Variants in RASSF6 observed in about 807,000 individuals in gnomAD.
The protein encoded by RASSF6 is Ras association domain family member 6.
RASSF6 carries 52 observed loss-of-function variants against 44.0 expected under a neutral mutation model. The ratio of observed to expected loss-of-function variants is 1.18; its 90% CI spans 0.95 to 1.49. The LOEUF (loss-of-function observed/expected upper bound fraction) is 1.49. Ranked by LOEUF, RASSF6 falls within the 40% of genes most tolerant of loss-of-function variation. RASSF6 has a pLI of 0.00. For synonymous variants in RASSF6, 162 were observed against 124.6 expected, an observed-to-expected ratio of 1.30 and a Z score of -2.00; for missense variants, 464 against 393.3, an observed-to-expected ratio of 1.18 and a Z score of -1.52.
chr4:73,608,412 TA>T (rs886341895), intron 2 of RASSF6, among the ~76,000 whole-genome samples: 1 of 152,092 alleles, frequency 6.6e-6, no homozygotes, highest in Admixed American at 6.5e-5. Context: ...ATATCAGATA[TA>T]AAAAAACCTA....
At chr4:73,591,146 T>A (rs921055152) in intron 4 of RASSF6, among the ~76,000 whole-genome samples, 7 of 152,234 alleles carry the variant, frequency 4.6e-5, no homozygotes, top group African/African-American at 1.4e-4. Context: ...ATATTCTCTA[T>A]TCTCACCACA....
intron 2 of RASSF6, among the ~76,000 whole-genome samples, chr4:73,610,335 G>A (rs540129079): frequency 1.4e-4 from 21 of 152,224 alleles, no homozygotes; most frequent in African/African-American, 4.1e-4. Flanking sequence ...TGGACTGTCA[G>A]CTCCTTGGTA....
At chr4:73,608,428 A>G (rs1218359997) in intron 2 of RASSF6, among the ~76,000 whole-genome samples, 3 of 152,174 alleles carry the variant, frequency 2.0e-5, no homozygotes, top group African/African-American at 7.2e-5. Context: ...AACCTAATAA[A>G]TGTCCTTCTT....
At chr4:73,605,667 C>T (rs1468889167) in intron 2 of RASSF6, among the ~76,000 whole-genome samples, 5 of 152,178 alleles carry the variant, frequency 3.3e-5, no homozygotes, top group African/African-American at 7.2e-5. Context: ...TAGTCTATCT[C>T]GATTGAAGCA....
rs1482636183 is a variant in RASSF6 at position 73,611,362 on chromosome 4, C to T, written c.65+369G>A. 1.3e-5 allele frequency among the ~76,000 whole-genome samples: 2 copies of T among 152,124 alleles called. 1 individual carries two copies. Among genetic ancestry groups the T allele is most frequent in the East Asian group, 3.9e-4 (2 of 5,184 alleles). On this transcript the variant is annotated intron_variant, in intron 2 of 10. Transcript: ENST00000307439. ...AGTAAAAATAAAGTGTCATGAGGAG[C>T]AAGGGATGGAGAGGTTAGGACAGGA...
intron 8 of RASSF6, among the ~76,000 whole-genome samples, chr4:73,578,159 T>A (rs958748167): frequency 6.6e-6 from 1 of 152,216 alleles, no homozygotes; most frequent in African/African-American, 2.4e-5. Context: ...GACATTTTTT[T>A]CTTATAAAAA....
chr4:73,587,713 A>G (rs1157628410), intron 5 of RASSF6, 127 bp downstream of exon 5: 7 of 477,782 alleles, frequency 1.5e-5, no homozygotes, highest in Non-Finnish European at 2.3e-5. Flanking sequence ...AAAAATATAT[A>G]TACATATAAA....
At chr4:73,585,782 T>C (rs368036436) in intron 5 of RASSF6, among the ~76,000 whole-genome samples, 2 of 151,958 alleles carry the variant, frequency 1.3e-5, no homozygotes, top group East Asian at 1.9e-4. Flanking sequence ...ATGGACATAG[T>C]ACTCATAAAT....
chr4:73,582,273 T>C lies in RASSF6; in HGVS notation c.585A>G (p.Pro195=), dbSNP rs779166042. Residue 195 remains proline, a synonymous_variant, in exon 7 of 11, where the codon CCA becomes CCG. Coordinates refer to ENST00000307439, the MANE Select transcript of RASSF6 (RefSeq NM_177532.5). ...TGACCTTAGTTTCTGATTCAAAGGC[T>C]GGAATGAAAATTGATGTCTAGAAAA... ...FYNHETSIFI[P]AFESETKVRV... is the part of the protein sequence containing the mutation. 16 of 1,583,654 alleles carry C rather than the reference T, an allele frequency of 1.0e-5. No homozygotes were observed. The highest frequency in any genetic ancestry group is 1.4e-5 in the Non-Finnish European group (16 of 1,158,642).
intron 2 of RASSF6, chr4:73,604,687 T>C (rs565300584): frequency 2.0e-5 from 3 of 152,150 alleles, no homozygotes; most frequent in Non-Finnish European, 4.4e-5. Context: ...TGAAGCTATT[T>C]AACAATTTCA....
At chr4:73,613,663 C>A (rs138995718) in intron 1 of RASSF6, among the ~76,000 whole-genome samples, 1 of 152,284 alleles carries the variant, frequency 6.6e-6, no homozygotes, top group East Asian at 1.9e-4. Context: ...CTTCTCTCCT[C>A]ATTTCTCGGC....
intron 8 of RASSF6, among the ~76,000 whole-genome samples, chr4:73,578,047 C>A (rs1025329424): frequency 1.2e-4 from 18 of 152,196 alleles, no homozygotes; most frequent in African/African-American, 4.3e-4. Context: ...TTATTATTAT[C>A]TGCAGTTATG....
Position 73,587,888 on chromosome 4 carries a change from G to A in RASSF6, c.334C>T (p.Leu112=), listed in dbSNP as rs755533200. 1.2e-6 allele frequency: 2 copies of A among 1,610,266 alleles called. No individual in the cohort carries two copies. Among genetic ancestry groups the A allele is most frequent in the Non-Finnish European group, 1.7e-6 (2 of 1,177,360 alleles). The change falls in exon 5 of 11, where the codon CTG becomes TTG. Residue 112 remains leucine (L), a synonymous_variant. Transcript: ENST00000307439. ...EFDDLYRISE[L]DRTQIPMSEK... The stretch of plus-strand genomic sequence containing the variant: ...GACATAGGAATCTGGGTCCTGTCCA[G>A]CTCACTAATACGATAGAGATCGTCA...
intron 3 of RASSF6, among the ~76,000 whole-genome samples, chr4:73,597,083 T>C (rs1350215160): frequency 1.3e-5 from 2 of 152,156 alleles, no homozygotes; most frequent in Non-Finnish European, 2.9e-5. Flanking sequence ...ATGATGAAGA[T>C]GCCAAAAGCA....
chr4:73,585,073 C>T (rs1723969079), intron 6 of RASSF6, 107 bp downstream of exon 6: 3 of 724,044 alleles, frequency 4.1e-6, no homozygotes, highest in East Asian at 5.3e-5. Flanking sequence ...GTTAGACATG[C>T]TACTGTTATT....
At position 73,572,646 on chromosome 4, in the gene RASSF6, C is replaced by T. The variant is rs568889782; in HGVS notation, c.*3589G>A. On this transcript the variant is annotated 3_prime_UTR_variant, in exon 11 of 11. Transcript: ENST00000307439. ...AGAATCAGACTTTATGGATATAAAA[C>T]TACCACAGAAGTGATGTTAATGTCT... 6.6e-6 allele frequency: 1 copy of T among 152,282 alleles called. No homozygotes were observed. Among genetic ancestry groups the T allele is most frequent in the African/African-American group, 2.4e-5 (1 of 41,572 alleles). The allele number at this position is 152,282 out of a possible 1,614,324, so 9.4% of individuals were successfully genotyped here. A position where few individuals can be genotyped will look rare whatever the true frequency, so the allele number is the denominator to read the frequency against.
intron 8 of RASSF6, 64 bp from the exon 9 acceptor site, chr4:73,576,795 A>T (rs1476468563): frequency 9.9e-7 from 1 of 1,013,022 alleles, no homozygotes; most frequent in Non-Finnish European, 1.4e-6. Flanking sequence ...AAGGAAGATA[A>T]TTTTCCAATT....
At chr4:73,590,838 A>T (rs1197462810) in intron 4 of RASSF6, among the ~76,000 whole-genome samples, 1 of 152,226 alleles carries the variant, frequency 6.6e-6, no homozygotes, top group Non-Finnish European at 1.5e-5. Context: ...CAAGGTTTCT[A>T]GGTAATTTTT....
chr4:73,580,334 C>A (rs928865036), intron 8 of RASSF6, among the ~76,000 whole-genome samples: 1 of 149,922 alleles, frequency 6.7e-6, no homozygotes, highest in Non-Finnish European at 1.5e-5. Flanking sequence ...AATAAACATA[C>A]GTGTGCATGT....
Sources: gnomAD v4.1 joint callset for allele counts (sites outside exome capture counted in the v4.1 genomes callset) on GRCh38, gnomAD v4.1.1 for gene constraint, MANE v1.5 for transcripts, NCBI Gene and HGNC (gene_info 2026-07-23, HGNC 2026-07-21) for gene names.